The following RIMS1 variants were observed in gnomAD, a reference collection of about 807,000 sequenced individuals.
The protein encoded by RIMS1 is regulating synaptic membrane exocytosis 1.
In RIMS1, 83 loss-of-function variants were observed where a neutral mutation model predicts 214.1. The observed-to-expected ratio is 0.39, with a 90% CI of 0.32 to 0.47. The LOEUF is 0.47. Among genes scored for constraint, RIMS1 ranks in the 20% least tolerant of loss-of-function variants. The probability of loss-of-function intolerance (pLI) is 0.99; values close to 1 mark genes in which losing one functional copy is unlikely to be tolerated. For missense variants in RIMS1, 2,050 were observed against 2,161.8 expected (o/e 0.95, Z 1.03); for synonymous variants, 793 against 786.8 (o/e 1.01, Z -0.13).
intron 24 of RIMS1, among the ~76,000 whole-genome samples, chr6:72,285,417 G>A (rs1198952903): frequency 6.6e-6 from 1 of 152,130 alleles, no homozygotes; most frequent in Admixed American, 6.5e-5. Flanking sequence ...ATAGCAAGTA[G>A]CAAAAAAGAA....
At chr6:72,199,482 C>CT (rs890788094) in intron 6 of RIMS1, among the ~76,000 whole-genome samples, 22 of 151,918 alleles carry the variant, frequency 1.4e-4, no homozygotes, top group African/African-American at 5.3e-4. Context: ...AGAATAAACC[C>CT]TTTTTTTCAT....
chr6:72,037,311 G>T (rs548749209), intron 2 of RIMS1, among the ~76,000 whole-genome samples: 1 of 151,968 alleles, frequency 6.6e-6, no homozygotes, highest in Non-Finnish European at 1.5e-5. Context: ...TTAAAAAAAA[G>T]AGTTGGATAT....
In RIMS1 at chr6:72,248,841, T is replaced by G. The variant is rs2071574033; in HGVS notation, c.2241+714T>G. 2.0e-5 allele frequency among the ~76,000 whole-genome samples: 3 copies of G among 152,342 alleles called. No individual in the cohort carries two copies. In the South Asian group the frequency reaches 6.2e-4, roughly 32 times the overall value. ...ATTTTAATGAGACAGAGAAGATATA[T>G]GTAAGCTTATTGCTCAAGGGCTTTT... On this transcript the variant is annotated intron_variant, in intron 12 of 33. Transcript: ENST00000521978.
Position 72,163,799 on chromosome 6 carries a change from TG to T in RIMS1, c.472-15764del, listed in dbSNP as rs1232814186. Among the ~76,000 whole-genome samples, 4 of 1,526 alleles carry T rather than the reference TG, an allele frequency of 2.6e-3. 1 individual carries two copies. Among genetic ancestry groups the T allele is most frequent in the African/African-American group, 2.8e-3 (4 of 1,418 alleles). 1.0% of individuals were successfully genotyped at this position (1,526 alleles called of 152,430 possible). A position where few individuals can be genotyped will look rare whatever the true frequency, so the allele number is the denominator to read the frequency against. ...GAGGTGTCAATCTGCCCCTACTGGC[TG>T]GGGGGGGGGGGCCTCCCAGTTAGGC... On this transcript the variant is annotated intron_variant, in intron 4 of 33. Coordinates refer to ENST00000521978, the MANE Select transcript of RIMS1 (RefSeq NM_014989.7).
chr6:72,390,533 C>A, intron 29 of RIMS1, 65 bp from the exon 30 acceptor site: 3 of 1,437,176 alleles, frequency 2.1e-6, no homozygotes, highest in Non-Finnish European at 2.9e-6. Context: ...TTTGCAGGAT[C>A]AATTGATATT....
chr6:72,362,129 T>C (rs916653662), intron 29 of RIMS1, among the ~76,000 whole-genome samples: 3 of 152,178 alleles, frequency 2.0e-5, no homozygotes, highest in Non-Finnish European at 4.4e-5. Context: ...CAAAGAGTTG[T>C]ACTATATACA....
At chr6:72,294,126 C>G (rs930792426) in intron 26 of RIMS1, among the ~76,000 whole-genome samples, 1 of 151,476 alleles carries the variant, frequency 6.6e-6, no homozygotes, top group Non-Finnish European at 1.5e-5. Flanking sequence ...AATGATTATA[C>G]CGTCTGCCAT....
intron 31 of RIMS1, 131 bp from the exon 32 acceptor site, chr6:72,398,118 G>A: frequency 1.8e-6 from 1 of 567,864 alleles, no homozygotes; most frequent in Non-Finnish European, 3.1e-6. Flanking sequence ...TGGAGTGAGG[G>A]GTCTAAATAT....
chr6:72,230,507 A>G (rs1302765389), intron 6 of RIMS1, among the ~76,000 whole-genome samples: 2 of 151,610 alleles, frequency 1.3e-5, no homozygotes, highest in Admixed American at 6.6e-5. Context: ...CACATGCTCA[A>G]TCGTGCCTGT....
chr6:72,043,881 G>T (rs559348074), intron 2 of RIMS1, among the ~76,000 whole-genome samples: 87 of 151,334 alleles, frequency 5.7e-4, no homozygotes, highest in African/African-American at 1.9e-3. Flanking sequence ...ACACATAAAA[G>T]AAAAGTAAAA....
At chr6:72,261,299 A>G (rs1591038828) in intron 19 of RIMS1, 1 of 999,042 alleles carries the variant, frequency 1.0e-6, no homozygotes, top group Non-Finnish European at 1.2e-6. Context: ...AAAAGTGAAG[A>G]TATTCAACCT....
At chr6:72,229,303 G>A (rs1281659906) in intron 6 of RIMS1, among the ~76,000 whole-genome samples, 12 of 151,724 alleles carry the variant, frequency 7.9e-5, no homozygotes, top group Non-Finnish European at 1.5e-4. Flanking sequence ...ACTATACTAG[G>A]CACTTTGACA....
chr6:72,146,747 T>C (rs1158455102), intron 4 of RIMS1, among the ~76,000 whole-genome samples: 6 of 152,256 alleles, frequency 3.9e-5, no homozygotes, highest in Non-Finnish European at 8.8e-5. Context: ...CAAAAATTTA[T>C]ATTCCCATGC....
chr6:72,103,544 G>T (rs1384005835), intron 4 of RIMS1, among the ~76,000 whole-genome samples: 1 of 152,070 alleles, frequency 6.6e-6, no homozygotes, highest in African/African-American at 2.4e-5. Flanking sequence ...CTGCTCAAGG[G>T]TTAGAAAATT....
intron 29 of RIMS1, among the ~76,000 whole-genome samples, chr6:72,379,372 G>T (rs1047218946): frequency 6.6e-6 from 1 of 152,254 alleles, no homozygotes; most frequent in African/African-American, 2.4e-5. Flanking sequence ...CAAGAGCAGA[G>T]GAGGGAAGGG....
intron 2 of RIMS1, among the ~76,000 whole-genome samples, chr6:72,030,542 T>G (rs1330230488): frequency 6.6e-6 from 1 of 152,168 alleles, no homozygotes; most frequent in Non-Finnish European, 1.5e-5. Context: ...TGCCATGTCA[T>G]AGGCCATCAT....
chr6:72,381,389 A>G (rs1167100257), intron 29 of RIMS1, among the ~76,000 whole-genome samples: 1 of 152,252 alleles, frequency 6.6e-6, no homozygotes, highest in Non-Finnish European at 1.5e-5. Flanking sequence ...TTAGAGGGAC[A>G]TAATTTAGCT....
intron 1 of RIMS1, among the ~76,000 whole-genome samples, chr6:71,925,811 A>G (rs966342659): frequency 1.3e-5 from 2 of 152,232 alleles, no homozygotes; most frequent in Non-Finnish European, 1.5e-5. Context: ...CTTTAGTCCA[A>G]GTGATTATGT....
intron 2 of RIMS1, among the ~76,000 whole-genome samples, chr6:71,980,512 C>T (rs1182823918): frequency 6.6e-6 from 1 of 152,008 alleles, no homozygotes; most frequent in Admixed American, 6.6e-5. Context: ...GGAATACAAA[C>T]CTGTGAAAGG....
Sources: allele counts gnomAD v4.1 joint callset (sites outside exome capture counted in the v4.1 genomes callset), GRCh38; gene constraint gnomAD v4.1.1; transcripts MANE v1.5; gene names NCBI Gene and HGNC (gene_info 2026-07-23, HGNC 2026-07-21).